Variants in TENT2 observed in about 807,000 individuals in gnomAD.
TENT2 encodes terminal nucleotidyltransferase 2.
A neutral mutation model predicts 72.2 loss-of-function variants in TENT2; 44 were observed. The observed-to-expected ratio is 0.61, with a 90% CI of 0.48 to 0.78. TENT2 has a LOEUF of 0.78. TENT2 is among the 30% of genes least tolerant of loss of function. The probability of loss-of-function intolerance (pLI) is 0.00; values close to 1 mark genes in which losing one functional copy is unlikely to be tolerated. For synonymous variants in TENT2, 212 were observed against 192.5 expected (o/e 1.10, Z -0.84); for missense variants, 541 against 569.6 (o/e 0.95, Z 0.51).
intron 12 of TENT2, among the ~76,000 whole-genome samples, chr5:79,673,211 T>C (rs1246596204): frequency 6.6e-6 from 1 of 152,164 alleles, no homozygotes; most frequent in African/African-American, 2.4e-5. Context: ...GTGAGATGAG[T>C]AGTTTGCAAA....
At chr5:79,637,509 C>T (rs1308406123) in intron 4 of TENT2, among the ~76,000 whole-genome samples, 1 of 152,130 alleles carries the variant, frequency 6.6e-6, no homozygotes, top group Non-Finnish European at 1.5e-5. Context: ...TCACTGCAAC[C>T]TCGACCTCCC....
At chr5:79,681,228 C>A (rs1489243310) in intron 13 of TENT2, among the ~76,000 whole-genome samples, 1 of 122,908 alleles carries the variant, frequency 8.1e-6, no homozygotes, top group Non-Finnish European at 1.6e-5. Flanking sequence ...GGCGTGATCT[C>A]GGCTCACTGC....
chr5:79,642,160 A>T (rs1784969748), intron 6 of TENT2, among the ~76,000 whole-genome samples: 1 of 152,080 alleles, frequency 6.6e-6, no homozygotes, highest in Non-Finnish European at 1.5e-5. Context: ...ACAAAAAATT[A>T]TTGAGTGTTA....
At chr5:79,660,921 A>T (rs1344714610) in intron 11 of TENT2, among the ~76,000 whole-genome samples, 1 of 152,130 alleles carries the variant, frequency 6.6e-6, no homozygotes, top group Non-Finnish European at 1.5e-5. Flanking sequence ...AGTGATAGTG[A>T]TGATCCCGAT....
chr5:79,617,424 C>A (rs1016704858), intron 1 of TENT2: 1 of 151,854 alleles, frequency 6.6e-6, no homozygotes, highest in African/African-American at 2.4e-5. Flanking sequence ...TTATTTTTAA[C>A]TAGCTACTTT....
intron 3 of TENT2, 98 bp downstream of exon 3, chr5:79,620,181 A>G (rs1763632222): frequency 1.1e-5 from 9 of 786,186 alleles, no homozygotes; most frequent in South Asian, 2.1e-5. Context: ...CCTAAGCCCT[A>G]TGTTTTGTTT....
chr5:79,663,381 T>C (rs1350239019), intron 11 of TENT2, among the ~76,000 whole-genome samples: 1 of 152,234 alleles, frequency 6.6e-6, no homozygotes, highest in African/African-American at 2.4e-5. Flanking sequence ...TTGGCTTGTA[T>C]TGGTTTTCAA....
intron 11 of TENT2, among the ~76,000 whole-genome samples, chr5:79,661,871 G>C (rs544108098): frequency 2.0e-5 from 3 of 152,160 alleles, no homozygotes; most frequent in Admixed American, 2.0e-4. Flanking sequence ...AGCATTTTAC[G>C]TACAGTAGAA....
At chr5:79,676,160 GTA>G (rs1468057125) in intron 12 of TENT2, among the ~76,000 whole-genome samples, 1 of 119,782 alleles carries the variant, frequency 8.3e-6, no homozygotes, top group African/African-American at 4.3e-5. Context: ...ACATATATAT[GTA>G]TACACACACA....
At chr5:79,660,985 A>G (rs1489278004) in intron 11 of TENT2, among the ~76,000 whole-genome samples, 2 of 152,164 alleles carry the variant, frequency 1.3e-5, no homozygotes, top group Non-Finnish European at 2.9e-5. Context: ...TTAACAAAAA[A>G]GTTTAAAAGG....
At chr5:79,666,999 G>T (rs1440289266) in intron 11 of TENT2, among the ~76,000 whole-genome samples, 2 of 152,134 alleles carry the variant, frequency 1.3e-5, no homozygotes, top group Non-Finnish European at 2.9e-5. Flanking sequence ...CTGACTCTTT[G>T]TGTGTGACCG....
chr5:79,625,121 GT>G (rs1221267834), intron 4 of TENT2, among the ~76,000 whole-genome samples: 30 of 152,272 alleles, frequency 2.0e-4, no homozygotes, highest in African/African-American at 6.7e-4. Context: ...ATCTCATCAT[GT>G]TTTGGATTTG....
At chr5:79,641,246 A>G (rs944582975) in intron 6 of TENT2, 50 bp downstream of exon 6, 2 of 1,443,460 alleles carry the variant, frequency 1.4e-6, no homozygotes, top group Middle Eastern at 1.8e-4. Flanking sequence ...TTAATGAGTT[A>G]AGAAATTTTA....
chr5:79,626,653 G>A (rs1770258419), intron 4 of TENT2, among the ~76,000 whole-genome samples: 1 of 148,512 alleles, frequency 6.7e-6, no homozygotes, highest in South Asian at 2.1e-4. Flanking sequence ...GTAGAGCCAG[G>A]GTCTTGCTAT....
intron 8 of TENT2, among the ~76,000 whole-genome samples, chr5:79,645,451 T>G (rs1043366446): frequency 6.6e-6 from 1 of 152,146 alleles, no homozygotes; most frequent in Admixed American, 6.6e-5. Context: ...TATTTTAGAT[T>G]TTTAAATGAT....
chr5:79,680,944 CCTGT>C (rs1821193756), intron 13 of TENT2, among the ~76,000 whole-genome samples: 1 of 151,962 alleles, frequency 6.6e-6, no homozygotes, highest in Non-Finnish European at 1.5e-5. Context: ...CTGGTTTCTT[CCTGT>C]CTCTCTATAT....
At chr5:79,681,917 C>T in intron 13 of TENT2, 65 bp from the exon 14 acceptor site, 6 of 1,381,786 alleles carry the variant, frequency 4.3e-6, no homozygotes, top group Non-Finnish European at 6.0e-6. Flanking sequence ...AGTATCAAAC[C>T]TAAAAAAGAA....
At chr5:79,653,911 G>A (rs751408516) in intron 10 of TENT2, among the ~76,000 whole-genome samples, 6 of 152,160 alleles carry the variant, frequency 3.9e-5, no homozygotes, top group Non-Finnish European at 7.3e-5. Context: ...CAAACAGTTG[G>A]ATTAAATGAC....
chr5:79,681,935 C>A (rs747938142), intron 13 of TENT2, 47 bp from the exon 14 acceptor site: 2 of 1,483,666 alleles, frequency 1.3e-6, no homozygotes, highest in East Asian at 2.3e-5. Flanking sequence ...GAAACTGTAG[C>A]TCTCATTTTA....
Sources: gnomAD v4.1 joint callset for allele counts (sites outside exome capture counted in the v4.1 genomes callset) on GRCh38, gnomAD v4.1.1 for gene constraint, MANE v1.5 for transcripts, NCBI Gene and HGNC (gene_info 2026-07-23, HGNC 2026-07-21) for gene names.